Variants in FIGN observed in about 807,000 individuals in gnomAD.
The protein encoded by FIGN is fidgetin, microtubule severing factor, also known as fidgetin.
FIGN carries 11 observed loss-of-function variants against 51.3 expected under a neutral mutation model. That is an observed-to-expected ratio of 0.21 (90% CI 0.13 to 0.35). The LOEUF is 0.35. Among genes scored for constraint, FIGN ranks in the 10% least tolerant of loss-of-function variants. The probability of loss-of-function intolerance (pLI) is 1.00; values close to 1 mark genes in which losing one functional copy is unlikely to be tolerated. For missense variants in FIGN, 857 were observed against 943.6 expected (o/e 0.91, Z 1.20); for synonymous variants, 407 against 363.2 (o/e 1.12, Z -1.37).
chr2:163,699,568 C>CA (rs1307532581), intron 2 of FIGN, among the ~76,000 whole-genome samples: 1 of 151,888 alleles, frequency 6.6e-6, no homozygotes, highest in Non-Finnish European at 1.5e-5. Context: ...AACATCTTTC[C>CA]AAAAAAATGA....
At chr2:163,718,379 G>C (rs1684702579) in intron 2 of FIGN, among the ~76,000 whole-genome samples, 1 of 152,120 alleles carries the variant, frequency 6.6e-6, no homozygotes, top group South Asian at 2.1e-4. Flanking sequence ...ACCTCATGTT[G>C]ATTTCATTTG....
intron 2 of FIGN, among the ~76,000 whole-genome samples, chr2:163,718,690 A>G (rs1364190490): frequency 6.6e-6 from 1 of 152,216 alleles, no homozygotes; most frequent in Non-Finnish European, 1.5e-5. Context: ...AACTCAATAT[A>G]CTGCCCATTT....
chr2:163,655,819 A>C (rs1683551380), intron 2 of FIGN, among the ~76,000 whole-genome samples: 1 of 151,900 alleles, frequency 6.6e-6, no homozygotes, highest in African/African-American at 2.4e-5. Context: ...AGAGAGAGAG[A>C]GAGAGAGAGC....
chr2:163,720,222 T>C (rs535557069), intron 2 of FIGN, among the ~76,000 whole-genome samples: 16 of 152,348 alleles, frequency 1.1e-4, no homozygotes, highest in African/African-American at 3.8e-4. Context: ...GAAACATTTG[T>C]AGGCTTGGTT....
intron 2 of FIGN, among the ~76,000 whole-genome samples, chr2:163,657,000 A>G (rs970793924): frequency 2.0e-5 from 3 of 152,158 alleles, no homozygotes; most frequent in African/African-American, 7.2e-5. Context: ...GTAAATGGAA[A>G]ACAGAAAGAA....
At chr2:163,660,853 G>GTA (rs1683661175) in intron 2 of FIGN, among the ~76,000 whole-genome samples, 3 of 36,318 alleles carry the variant, frequency 8.3e-5, no homozygotes, top group African/African-American at 2.2e-4. Context: ...ATATATATAT[G>GTA]TATACATATA....
chr2:163,614,225 A>AACGGGTGAAATGACCGAAAC (rs1225649604), intron 2 of FIGN, among the ~76,000 whole-genome samples: 5 of 152,090 alleles, frequency 3.3e-5, no homozygotes, highest in African/African-American at 9.7e-5. Context: ...CACACCGCAA[A>AACGGGTGAAATGACCGAAAC]ATGGGTGAAA....
At chr2:163,734,774 AT>A in intron 2 of FIGN, 128 bp downstream of exon 2, 1 of 775,820 alleles carries the variant, frequency 1.3e-6, no homozygotes, top group East Asian at 2.9e-5. Context: ...TTAAACATAT[AT>A]TTTTTAAAAA....
At chr2:163,697,126 G>A (rs1371565450) in intron 2 of FIGN, among the ~76,000 whole-genome samples, 5 of 128,330 alleles carry the variant, frequency 3.9e-5, no homozygotes, top group African/African-American at 6.4e-5. Context: ...TTTTTGAGAC[G>A]GGTTCTCACT....
chr2:163,610,315 A>G lies in FIGN; in HGVS notation c.1517T>C (p.Val506Ala). Residue 506 changes from valine to alanine, a missense_variant, in exon 3 of 3, where the codon GTG becomes GCG. Transcript: ENST00000333129. Reference sequence around the variant, plus strand: ...TCCACTGAACGCGTCTGACCTCAACACTGGCCATAAAACCTCCTCTTTAAT... The same window carrying G: ...TCCACTGAACGCGTCTGACCTCAACGCTGGCCATAAAACCTCCTCTTTAAT... ...AVIKEEVLWPVLRSDAFSGLT... is the reference protein window; with the variant it reads ...AVIKEEVLWPALRSDAFSGLT... 6.2e-7 allele frequency: 1 copy of G among 1,614,138 alleles called. No homozygotes were observed. Among genetic ancestry groups the G allele is most frequent in the Non-Finnish European group, 8.5e-7 (1 of 1,180,016 alleles).
Position 163,610,684 on chromosome 2 carries a change from A to G in FIGN, c.1148T>C (p.Met383Thr), listed in dbSNP as rs765762490. Reference protein sequence around the residue: ...SLAFKPTKQLMSSEQQRKFSS... With the variant: ...SLAFKPTKQLTSSEQQRKFSS... ...GAATTTCCTTTGCTGTTCAGAGGAC[A>G]TTAGCTGCTTCGTTGGCTTAAATGC... Residue 383 changes from methionine to threonine, a missense_variant, in exon 3 of 3, where the codon ATG (methionine) becomes ACG (threonine). Physicochemically the swap from Met to Thr is moderately conservative, Grantham distance 81 (BLOSUM62 -1). Around this residue, in one of 3 missense-constraint regions of FIGN, gnomAD observed 799 missense variants for 849.5 expected, o/e 0.94. Coordinates refer to ENST00000333129, the MANE Select transcript of FIGN (RefSeq NM_018086.4). The G allele has an allele frequency of 6.2e-7, 1 of 1,614,220 alleles. No individual in the cohort carries two copies. Among genetic ancestry groups the G allele is most frequent in the East Asian group, 2.2e-5 (1 of 44,874 alleles).
chr2:163,647,734 T>G (rs1376180806), intron 2 of FIGN, among the ~76,000 whole-genome samples: 1 of 152,210 alleles, frequency 6.6e-6, no homozygotes, highest in Non-Finnish European at 1.5e-5. Flanking sequence ...ATAAAATACA[T>G]CAAAAACATT....
intron 2 of FIGN, among the ~76,000 whole-genome samples, chr2:163,650,150 A>G (rs888656215): frequency 6.6e-6 from 1 of 152,118 alleles, no homozygotes; most frequent in Non-Finnish European, 1.5e-5. Context: ...CTTAAAAAAA[A>G]ATAGAATAGA....
chr2:163,654,992 A>G (rs1412925536), intron 2 of FIGN, among the ~76,000 whole-genome samples: 4 of 152,188 alleles, frequency 2.6e-5, no homozygotes, highest in Non-Finnish European at 5.9e-5. Flanking sequence ...AAGGTCCTTT[A>G]ATGTAAACCA....
intron 2 of FIGN, among the ~76,000 whole-genome samples, chr2:163,678,486 G>T (rs898778174): frequency 6.6e-5 from 10 of 152,104 alleles, no homozygotes; most frequent in African/African-American, 2.4e-4. Context: ...CATCCAAAGT[G>T]CTGGGATTAT....
At chr2:163,648,652 G>C (rs1315867999) in intron 2 of FIGN, among the ~76,000 whole-genome samples, 1 of 152,072 alleles carries the variant, frequency 6.6e-6, no homozygotes. Context: ...ATCTGTGAAA[G>C]GACTAATGGC....
chr2:163,659,381 G>A (rs565215354), intron 2 of FIGN, among the ~76,000 whole-genome samples: 222 of 151,798 alleles, frequency 1.5e-3, no homozygotes, highest in Non-Finnish European at 7.1e-4. Flanking sequence ...AGAACAATCT[G>A]TCCTAAGGAA....
At chr2:163,686,777 TACAC>T (rs151050116) in intron 2 of FIGN, among the ~76,000 whole-genome samples, 275 of 146,310 alleles carry the variant, frequency 1.9e-3, no homozygotes, top group African/African-American at 6.0e-3. Context: ...TATATACACA[TACAC>T]ACACACACAC....
intron 2 of FIGN, among the ~76,000 whole-genome samples, chr2:163,714,624 T>C (rs1281470281): frequency 2.0e-5 from 3 of 152,220 alleles, no homozygotes; most frequent in African/African-American, 7.2e-5. Context: ...CTACTTTCCA[T>C]TAAAATCTAA....
Sources: gnomAD v4.1 joint callset for allele counts (sites outside exome capture counted in the v4.1 genomes callset) on GRCh38, gnomAD v4.1.1 for gene constraint, gnomAD v4.1.1 regional missense constraint, MANE v1.5 for transcripts, NCBI Gene and HGNC (gene_info 2026-07-23, HGNC 2026-07-21) for gene names.